Variants in CCDC15 observed in about 807,000 individuals in gnomAD.
The protein encoded by CCDC15 is coiled-coil domain containing 15.
A neutral mutation model predicts 114.5 loss-of-function variants in CCDC15; 105 were observed. The ratio of observed to expected loss-of-function variants is 0.92; its 90% CI spans 0.78 to 1.08. The LOEUF (loss-of-function observed/expected upper bound fraction) is 1.08, where lower values mean the gene tolerates loss of function less well. Among genes scored for constraint, CCDC15 ranks in the 50% least tolerant of loss-of-function variants. The pLI is 0.00. For synonymous variants in CCDC15, 334 were observed against 377.8 expected, an observed-to-expected ratio of 0.88 and a Z score of 1.34; for missense variants, 1,105 against 1,093.6, an observed-to-expected ratio of 1.01 and a Z score of -0.15.
intron 6 of CCDC15, 66 bp from the exon 7 acceptor site, chr11:124,986,676 T>G: frequency 1.5e-6 from 2 of 1,366,734 alleles, no homozygotes; most frequent in Non-Finnish European, 2.0e-6. Context: ...GCTGTGTGTG[T>G]GTGTGTGTGT....
At chr11:124,999,036 CGA>C (rs1948428016) in intron 11 of CCDC15, among the ~76,000 whole-genome samples, 1 of 151,786 alleles carries the variant, frequency 6.6e-6, no homozygotes, top group Admixed American at 6.6e-5. Flanking sequence ...TGCGCCCGGC[CGA>C]GAGTCTCTAC....
intron 6 of CCDC15, 96 bp downstream of exon 6, chr11:124,977,696 T>C (rs974296816): frequency 6.1e-6 from 7 of 1,149,004 alleles, no homozygotes; most frequent in Admixed American, 3.3e-5. Context: ...ATATCCAGTA[T>C]TTTTTTTAAC....
chr11:125,003,307 A>C (rs1948507869), intron 11 of CCDC15, among the ~76,000 whole-genome samples: 1 of 151,966 alleles, frequency 6.6e-6, no homozygotes, highest in African/African-American at 2.4e-5. Flanking sequence ...TAAACTTTTT[A>C]TTTCTAAAAG....
chr11:125,002,994 T>C (rs1035922832), intron 11 of CCDC15, among the ~76,000 whole-genome samples: 4 of 152,112 alleles, frequency 2.6e-5, no homozygotes, highest in African/African-American at 9.6e-5. Context: ...AATGCTGCCA[T>C]CTTAACGATA....
chr11:124,956,986 C>T (rs1272194068), intron 2 of CCDC15, among the ~76,000 whole-genome samples: 1 of 152,180 alleles, frequency 6.6e-6, no homozygotes, highest in African/African-American at 2.4e-5. Flanking sequence ...GACTACCTCC[C>T]CCCAATAATT....
At chr11:125,038,189 G>A (rs1001163592) in intron 13 of CCDC15, 1 of 265,850 alleles carries the variant, frequency 3.8e-6, no homozygotes, top group Non-Finnish European at 7.0e-6. Flanking sequence ...CAGAGTGCTG[G>A]GATTACAGGC....
At chr11:124,969,377 T>A (rs1947841105) in intron 4 of CCDC15, among the ~76,000 whole-genome samples, 1 of 152,178 alleles carries the variant, frequency 6.6e-6, no homozygotes, top group South Asian at 2.1e-4. Context: ...CTGATATTTA[T>A]CTTTAGGGAT....
rs1250690077 is a variant in CCDC15 at position 125,038,506 on chromosome 11, A to G, written c.2487A>G (p.Pro829=). 1 of 1,586,480 alleles carries G rather than the reference A, an allele frequency of 6.3e-7. No homozygotes were observed. Among genetic ancestry groups the G allele is most frequent in the Middle Eastern group, 1.7e-4 (1 of 6,010 alleles). The change falls in exon 14 of 16, where the codon CCA becomes CCG. Residue 829 remains proline, a synonymous_variant. Coordinates refer to ENST00000344762, the MANE Select transcript of CCDC15 (RefSeq NM_025004.3). ...TAAGAATGAACTTTCATGAAGATCC[A>G]TATTCAGGAGAGAAGTTGAGTGAGA... ...RILRMNFHED[P]YSGEKLSEIL...
Position 124,992,619 on chromosome 11 carries a change from G to T in CCDC15, c.2071G>T (p.Glu691Ter). Residue 691 changes from glutamate (E) to a stop codon, truncating the protein, a stop_gained, in exon 10 of 16, where the codon GAA becomes TAA. Transcript: ENST00000344762. LOFTEE classifies it high-confidence loss of function. ...TATGAGAGAAGAAAGAGTGAGAGAA[G>T]AATTGCCTCTGGACTATCATCAATA... ...SFMREERVRE[E>*]LPLDYHQYVV... 1.9e-6 allele frequency: 3 copies of T among 1,601,184 alleles called. No homozygotes were observed. The highest frequency in any genetic ancestry group is 1.7e-6 in the Non-Finnish European group (2 of 1,173,368).
intron 4 of CCDC15, among the ~76,000 whole-genome samples, chr11:124,964,645 C>G: frequency 6.6e-6 from 1 of 152,142 alleles, no homozygotes; most frequent in South Asian, 2.1e-4. Context: ...TTTCTCTTGC[C>G]TGATTCCCCT....
Position 124,958,352 on chromosome 11 carries a change from A to T in CCDC15, c.178-763A>T, listed in dbSNP as rs1442829410. Among the ~76,000 whole-genome samples, 5 of 148,324 alleles carry T rather than the reference A, an allele frequency of 3.4e-5. No homozygotes were observed. The Middle Eastern group carries it at 0.01, about 311-fold the overall frequency. On this transcript the variant is annotated intron_variant, in intron 2 of 15. Coordinates refer to ENST00000344762, the MANE Select transcript of CCDC15 (RefSeq NM_025004.3). ...TTAATAAATTTTCTTAATTAACACT[A>T]TGAGTTTTTTTGTGATTTTTTTTTT...
chr11:124,976,697 C>T (rs1345893698), intron 5 of CCDC15, among the ~76,000 whole-genome samples: 1 of 152,072 alleles, frequency 6.6e-6, no homozygotes, highest in Non-Finnish European at 1.5e-5. Flanking sequence ...GACCTTTCAA[C>T]TGGTGTTTTT....
At chr11:124,976,254 T>C (rs1020118238) in intron 5 of CCDC15, among the ~76,000 whole-genome samples, 3 of 149,954 alleles carry the variant, frequency 2.0e-5, no homozygotes, top group Admixed American at 6.7e-5. Flanking sequence ...TATAATTTTG[T>C]ATTTTTTTCC....
chr11:125,027,402 A>C (rs1015670282), intron 13 of CCDC15, among the ~76,000 whole-genome samples: 1 of 151,750 alleles, frequency 6.6e-6, no homozygotes, highest in African/African-American at 2.4e-5. Context: ...AACATCTATT[A>C]TTTTTTTTAT....
At chr11:124,955,393 G>A (rs1947531529) in intron 2 of CCDC15, among the ~76,000 whole-genome samples, 1 of 152,196 alleles carries the variant, frequency 6.6e-6, no homozygotes, top group Admixed American at 6.5e-5. Context: ...CTGATAATCT[G>A]AGAAAGTCTA....
chr11:125,035,293 C>A (rs185533654), intron 13 of CCDC15, among the ~76,000 whole-genome samples: 3,209 of 152,168 alleles, frequency 0.021, 127 homozygotes, highest in African/African-American at 0.073. Context: ...TTACATCCTT[C>A]AATTCAATCA....
In CCDC15 at chr11:125,021,339, A is replaced by G. The variant is rs1176636067; in HGVS notation, c.2411+16127A>G. ...AATTAGGACTGAAAAATGTTCCATCAGTGTTTCTCAACCTTTTCTTCATTA... is the reference window on the plus strand; with the variant it reads ...AATTAGGACTGAAAAATGTTCCATCGGTGTTTCTCAACCTTTTCTTCATTA... On this transcript the variant is annotated intron_variant, in intron 13 of 15. Transcript: ENST00000344762. 2.0e-5 allele frequency among the ~76,000 whole-genome samples: 3 copies of G among 151,840 alleles called. No homozygotes were observed. In the East Asian group the frequency reaches 5.8e-4, roughly 29 times the overall value.
intron 6 of CCDC15, among the ~76,000 whole-genome samples, chr11:124,984,610 C>T (rs561845832): frequency 2.1e-4 from 32 of 152,278 alleles, no homozygotes; most frequent in African/African-American, 7.2e-4. Flanking sequence ...ATTCTGCCCA[C>T]CACCTCTCTA....
At chr11:124,990,927 T>C (rs1209856648) in intron 8 of CCDC15, among the ~76,000 whole-genome samples, 2 of 152,160 alleles carry the variant, frequency 1.3e-5, no homozygotes, top group Non-Finnish European at 2.9e-5. Flanking sequence ...TTAGATTACT[T>C]AGGGTTGTGG....
Sources: gnomAD v4.1 joint callset for allele counts (sites outside exome capture counted in the v4.1 genomes callset) on GRCh38, gnomAD v4.1.1 for gene constraint, MANE v1.5 for transcripts, NCBI Gene and HGNC (gene_info 2026-07-23, HGNC 2026-07-21) for gene names.